Variants in ABCC1 observed in about 807,000 individuals in gnomAD.
ABCC1 encodes the protein ATP binding cassette subfamily C member 1 (ABCC1 blood group).
ABCC1 carries 83 observed loss-of-function variants against 172.9 expected under a neutral mutation model. The observed-to-expected ratio is 0.48, with a 90% confidence interval of 0.40 to 0.58. ABCC1 has a LOEUF of 0.58. ABCC1 is among the 20% of genes least tolerant of loss of function. The probability of loss-of-function intolerance (pLI) is 0.00; values close to 1 mark genes in which losing one functional copy is unlikely to be tolerated. For missense variants in ABCC1, 1,817 were observed against 2,002.7 expected, an observed-to-expected ratio of 0.91 and a Z score of 1.77; for synonymous variants, 937 against 825.2, an observed-to-expected ratio of 1.14 and a Z score of -2.32.
At chr16:15,982,929 A>C (rs1232419078) in intron 1 of ABCC1, among the ~76,000 whole-genome samples, 1 of 152,008 alleles carries the variant, frequency 6.6e-6, no homozygotes, top group East Asian at 1.9e-4. Flanking sequence ...ATGGCAATTC[A>C]TATGGTTCAT....
rs2047606443 is a variant in ABCC1 at position 16,007,869 on chromosome 16, GA to G, written c.104del (p.Asn35ThrfsTer33). On this transcript the variant is annotated frameshift_variant, in exon 2 of 31. Coordinates refer to ENST00000399410, the MANE Select transcript of ABCC1 (RefSeq NM_004996.4). LOFTEE classifies it high-confidence loss of function. ...SNPDFTKCFQ[N>X]TVLVWVPCFY... Reference sequence around the variant, plus strand: ...ACCCCGACTTCACCAAGTGCTTTCAGAACACGGTCCTCGTGTGGGTGCCTTG... The same window carrying G: ...ACCCCGACTTCACCAAGTGCTTTCAGACACGGTCCTCGTGTGGGTGCCTTG... 1 of 1,613,476 alleles carries G rather than the reference GA, an allele frequency of 6.2e-7. No homozygotes were observed. Among genetic ancestry groups the G allele is most frequent in the Admixed American group, 1.7e-5 (1 of 59,872 alleles).
chr16:16,134,063 T>G (rs892991888), intron 27 of ABCC1, among the ~76,000 whole-genome samples: 21 of 152,234 alleles, frequency 1.4e-4, no homozygotes, highest in Admixed American at 1.2e-3. Context: ...AGGGCTTTGT[T>G]GGAAATTCCT....
intron 23 of ABCC1, among the ~76,000 whole-genome samples, chr16:16,118,357 T>C (rs576734613): frequency 2.0e-5 from 3 of 151,346 alleles, no homozygotes; most frequent in African/African-American, 7.3e-5. Context: ...GAACGAACAG[T>C]GATGGAATCA....
At chr16:15,971,279 A>G (rs1487838591) in intron 1 of ABCC1, among the ~76,000 whole-genome samples, 2 of 152,208 alleles carry the variant, frequency 1.3e-5, no homozygotes, top group African/African-American at 4.8e-5. Context: ...ATGCAAATGC[A>G]GGGTACCATG....
At chr16:16,100,870 AG>A (rs2051709098) in intron 19 of ABCC1, among the ~76,000 whole-genome samples, 1 of 152,230 alleles carries the variant, frequency 6.6e-6, no homozygotes, top group Admixed American at 6.5e-5. Flanking sequence ...GGGCACAGCC[AG>A]GAAGTGAGAG....
chr16:16,082,424 G>C (rs939695986), intron 16 of ABCC1, among the ~76,000 whole-genome samples: 1 of 152,160 alleles, frequency 6.6e-6, no homozygotes, highest in Non-Finnish European at 1.5e-5. Context: ...TTCTACAAAC[G>C]TAATAAATAT....
chr16:16,104,119 G>GC (rs2051935934), intron 20 of ABCC1, among the ~76,000 whole-genome samples: 1 of 152,182 alleles, frequency 6.6e-6, no homozygotes, highest in African/African-American at 2.4e-5. Context: ...TTGATGGTGA[G>GC]TGTTACAGCT....
chr16:16,024,628 AG>A (rs1434142970), intron 5 of ABCC1, among the ~76,000 whole-genome samples: 3 of 152,190 alleles, frequency 2.0e-5, no homozygotes, highest in Admixed American at 2.0e-4. Context: ...CTAGGATTAC[AG>A]GGATGGGTGA....
intron 26 of ABCC1, among the ~76,000 whole-genome samples, chr16:16,127,644 C>G (rs2045493468): frequency 6.6e-6 from 1 of 152,222 alleles, no homozygotes; most frequent in Non-Finnish European, 1.5e-5. Context: ...AGACCCTATC[C>G]AGTGCCATGG....
intron 23 of ABCC1, among the ~76,000 whole-genome samples, chr16:16,120,835 A>C (rs1018990196): frequency 6.6e-6 from 1 of 152,048 alleles, no homozygotes; most frequent in Non-Finnish European, 1.5e-5. Flanking sequence ...CCCTATCCTC[A>C]TGGGCATCTC....
At chr16:15,996,437 T>C (rs1362741979) in intron 1 of ABCC1, among the ~76,000 whole-genome samples, 1 of 152,170 alleles carries the variant, frequency 6.6e-6, no homozygotes, top group Non-Finnish European at 1.5e-5. Flanking sequence ...TTGTGAGTTA[T>C]TGAGATGGTT....
chr16:16,099,208 AAGT>A (rs1229763299), intron 19 of ABCC1, among the ~76,000 whole-genome samples: 2 of 152,212 alleles, frequency 1.3e-5, no homozygotes, highest in Non-Finnish European at 2.9e-5. Flanking sequence ...CATGCTTATG[AAGT>A]GCCTGGCACA....
At chr16:16,105,080 G>T (rs2052015228) in intron 20 of ABCC1, among the ~76,000 whole-genome samples, 1 of 152,244 alleles carries the variant, frequency 6.6e-6, no homozygotes, top group Admixed American at 6.5e-5. Flanking sequence ...CTCCCACAGT[G>T]CAGCGGCGGG....
chr16:16,093,549 A>AC (rs2051339321), intron 19 of ABCC1, among the ~76,000 whole-genome samples: 1 of 151,584 alleles, frequency 6.6e-6, no homozygotes, highest in African/African-American at 2.4e-5. Flanking sequence ...TGACCTCCCT[A>AC]CCTCCTGCCT....
At chr16:15,987,205 G>A (rs1429274248) in intron 1 of ABCC1, among the ~76,000 whole-genome samples, 2 of 152,124 alleles carry the variant, frequency 1.3e-5, no homozygotes, top group African/African-American at 2.4e-5. Flanking sequence ...AGCAAGAAGT[G>A]GATCTGGAAG....
chr16:15,988,244 C>T (rs2046784804), intron 1 of ABCC1, among the ~76,000 whole-genome samples: 1 of 152,138 alleles, frequency 6.6e-6, no homozygotes, highest in Non-Finnish European at 1.5e-5. Flanking sequence ...TACCCGTCCT[C>T]AGCAAGGCTT....
At chr16:16,114,405 G>A (rs55658052) in intron 22 of ABCC1, among the ~76,000 whole-genome samples, 5 of 151,572 alleles carry the variant, frequency 3.3e-5, no homozygotes, top group African/African-American at 1.2e-4. Flanking sequence ...AGTGGACGCA[G>A]TCTTGGCTCA....
chr16:16,111,704 A>G, intron 22 of ABCC1, 122 bp downstream of exon 22: 1 of 837,668 alleles, frequency 1.2e-6, no homozygotes, highest in Non-Finnish European at 1.8e-6. Context: ...CCAAACCCAG[A>G]AAAATGGTAG....
intron 5 of ABCC1, among the ~76,000 whole-genome samples, chr16:16,030,736 C>T (rs2048531525): frequency 6.6e-6 from 1 of 151,938 alleles, no homozygotes; most frequent in African/African-American, 2.4e-5. Flanking sequence ...CCTGCCCAGC[C>T]ACTTTTCCAA....
Sources: gnomAD v4.1 joint callset for allele counts (sites outside exome capture counted in the v4.1 genomes callset) on GRCh38, gnomAD v4.1.1 for gene constraint, MANE v1.5 for transcripts, NCBI Gene and HGNC (gene_info 2026-07-23, HGNC 2026-07-21) for gene names.